CSMD1: variants seen among roughly 807,000 people sequenced by gnomAD.
CSMD1 encodes CUB and sushi domain-containing protein 1.
CSMD1 carries 213 observed loss-of-function variants against 417.5 expected under a neutral mutation model. The observed-to-expected ratio is 0.51, with a 90% CI of 0.46 to 0.57. CSMD1 has a LOEUF of 0.57. CSMD1 is among the 20% of genes least tolerant of loss of function. The probability of loss-of-function intolerance (pLI) is 0.00; values close to 1 mark genes in which losing one functional copy is unlikely to be tolerated. For synonymous variants in CSMD1, 2,862 were observed against 1,736.8 expected, an observed-to-expected ratio of 1.65 and a Z score of -16.11; for missense variants, 6,923 against 4,529.7, an observed-to-expected ratio of 1.53 and a Z score of -15.17.
At chr8:3,481,508 C>T (rs1479501501) in intron 11 of CSMD1, among the ~76,000 whole-genome samples, 1 of 152,164 alleles carries the variant, frequency 6.6e-6, no homozygotes, top group Non-Finnish European at 1.5e-5. Flanking sequence ...ATAATGGCCT[C>T]ACTCCTGTCC....
intron 57 of CSMD1, among the ~76,000 whole-genome samples, chr8:2,970,252 T>C (rs1357610812): frequency 6.6e-6 from 1 of 152,172 alleles, no homozygotes; most frequent in Non-Finnish European, 1.5e-5. Flanking sequence ...AGGAAAAACA[T>C]TGCCCACCCT....
At chr8:4,299,855 T>C (rs772760325) in intron 3 of CSMD1, among the ~76,000 whole-genome samples, 4 of 152,070 alleles carry the variant, frequency 2.6e-5, no homozygotes, top group Non-Finnish European at 5.9e-5. Flanking sequence ...GGTCTCGATC[T>C]CCTGACTTCA....
rs10092429 is a variant in CSMD1 at position 4,357,748 on chromosome 8, G to T, written c.415+62205C>A. 8.3e-4 allele frequency among the ~76,000 whole-genome samples: 126 copies of T among 152,056 alleles called. No homozygotes were observed. The East Asian group carries it at 0.023, about 28-fold the overall frequency. On this transcript the variant is annotated intron_variant, in intron 3 of 69. Transcript: ENST00000635120. ...AGATACTCAAGCCAAAATTTTAAAG[G>T]TATATTGTAAAAGAAAAATGAAAAG... is the stretch of plus-strand genomic sequence containing the variant.
chr8:4,822,991 G>C (rs746246945), intron 1 of CSMD1, among the ~76,000 whole-genome samples: 13 of 152,124 alleles, frequency 8.5e-5, no homozygotes, highest in African/African-American at 2.7e-4. Context: ...GGGAAATCCA[G>C]TAATTATTTG....
chr8:3,289,241 G>C (rs1171914972), intron 25 of CSMD1, among the ~76,000 whole-genome samples: 1 of 147,238 alleles, frequency 6.8e-6, no homozygotes, highest in Admixed American at 6.7e-5. Flanking sequence ...GGACATTTAG[G>C]TTGGTTCCAC....
At chr8:4,341,887 C>G (rs1053994454) in intron 3 of CSMD1, among the ~76,000 whole-genome samples, 2 of 152,098 alleles carry the variant, frequency 1.3e-5, no homozygotes, top group East Asian at 1.9e-4. Flanking sequence ...TTCCACACCA[C>G]TAACTTTCTG....
rs1427999132 is a variant in CSMD1 at position 3,396,145 on chromosome 8, C to T, written c.2593+49G>A. The stretch of plus-strand genomic sequence containing the variant: ...GAAATAAGAACCCAGATCTTTAGTT[C>T]TCCCATGCATGCTGCCCTGCCGGGC... On this transcript the variant is annotated intron_variant, in intron 17 of 69. Coordinates refer to ENST00000635120, the MANE Select transcript of CSMD1 (RefSeq NM_033225.6). The T allele has an allele frequency of 9.5e-6, 14 of 1,471,268 alleles. No homozygotes were observed. The South Asian group carries it at 1.5e-4, about 15-fold the overall frequency. 91.1% of individuals were successfully genotyped at this position (1,471,268 alleles called of 1,614,324 possible).
chr8:3,786,956 C>T (rs758020585), intron 5 of CSMD1, among the ~76,000 whole-genome samples: 1 of 152,122 alleles, frequency 6.6e-6, no homozygotes, highest in African/African-American at 2.4e-5. Flanking sequence ...TGGACACCGG[C>T]ATTCAATCCT....
chr8:3,760,760 A>T (rs547315278), intron 5 of CSMD1, among the ~76,000 whole-genome samples: 2 of 152,238 alleles, frequency 1.3e-5, no homozygotes, highest in African/African-American at 4.8e-5. Context: ...GAAAATCATC[A>T]GAGAAATGTC....
At chr8:4,196,688 A>T (rs1303030047) in intron 3 of CSMD1, among the ~76,000 whole-genome samples, 1 of 152,150 alleles carries the variant, frequency 6.6e-6, no homozygotes, top group East Asian at 1.9e-4. Context: ...TACTGCTTTT[A>T]AGAGTTCACA....
chr8:3,699,410 G>A (rs1450388317), intron 7 of CSMD1, among the ~76,000 whole-genome samples: 2 of 152,034 alleles, frequency 1.3e-5, no homozygotes, highest in African/African-American at 4.8e-5. Flanking sequence ...TTGATAATGG[G>A]CACAGTTTTC....
At chr8:2,950,178 G>A in intron 67 of CSMD1, 53 bp downstream of exon 67, 1 of 1,183,696 alleles carries the variant, frequency 8.4e-7, no homozygotes, top group East Asian at 2.3e-5. Context: ...CATCTGCACA[G>A]AGAGATGATT....
chr8:3,638,801 G>C (rs1331526981), intron 7 of CSMD1, among the ~76,000 whole-genome samples: 2 of 152,138 alleles, frequency 1.3e-5, no homozygotes, highest in East Asian at 1.9e-4. Context: ...GTGACTCTGA[G>C]ACTCCTCCCT....
chr8:2,986,797 C>A (rs948866583), intron 54 of CSMD1, among the ~76,000 whole-genome samples: 10 of 152,132 alleles, frequency 6.6e-5, no homozygotes, highest in African/African-American at 2.2e-4. Flanking sequence ...AGCCACCGCG[C>A]CCGGCTCTCT....
chr8:3,684,180 T>G (rs1481708), intron 7 of CSMD1, among the ~76,000 whole-genome samples: 20,530 of 130,770 alleles, frequency 0.16, 1,726 homozygotes, highest in African/African-American at 0.24. Context: ...ATTTACATGT[T>G]ACATGTAATA....
chr8:2,981,081 T>C lies in CSMD1; in HGVS notation c.8378-2281A>G, dbSNP rs571234381. ...TTCCTATTTAATTCTGAGGCTCCAA[T>C]AGGAGATACAGCTGCAACTATGTGC... On this transcript the variant is annotated intron_variant, in intron 54 of 69. Coordinates refer to ENST00000635120, the MANE Select transcript of CSMD1 (RefSeq NM_033225.6). 4.6e-5 allele frequency among the ~76,000 whole-genome samples: 7 copies of C among 152,280 alleles called. No homozygotes were observed. The South Asian group carries it at 1.0e-3, about 23-fold the overall frequency.
chr8:4,126,989 C>T (rs542508965), intron 3 of CSMD1, among the ~76,000 whole-genome samples: 195 of 152,176 alleles, frequency 1.3e-3, no homozygotes, highest in African/African-American at 4.4e-3. Context: ...GGTGCACATT[C>T]GAGTTTGAGA....
intron 5 of CSMD1, among the ~76,000 whole-genome samples, chr8:3,926,105 ACACACACACACAC>A (rs1809691617): frequency 7.8e-5 from 5 of 64,318 alleles, no homozygotes; most frequent in Admixed American, 2.2e-4. Context: ...ACACACACAC[ACACACACACACAC>A]ACACACACAC....
At chr8:3,720,501 T>G (rs1179273709) in intron 6 of CSMD1, among the ~76,000 whole-genome samples, 1 of 152,108 alleles carries the variant, frequency 6.6e-6, no homozygotes, top group Non-Finnish European at 1.5e-5. Flanking sequence ...AATAACCACT[T>G]CCTTTCTGCT....
Sources: allele counts gnomAD v4.1 joint callset (sites outside exome capture counted in the v4.1 genomes callset), GRCh38; gene constraint gnomAD v4.1.1; transcripts MANE v1.5; gene names NCBI Gene and HGNC (gene_info 2026-07-23, HGNC 2026-07-21).